Variants in CSMD1 observed in about 807,000 individuals in gnomAD.
CSMD1 encodes CUB and Sushi multiple domains 1, also known as CUB and sushi domain-containing protein 1.
CSMD1 carries 213 observed loss-of-function variants against 417.5 expected under a neutral mutation model. That is an observed-to-expected ratio of 0.51 (90% CI 0.46 to 0.57). CSMD1 has a LOEUF of 0.57. Among genes scored for constraint, CSMD1 ranks in the 20% least tolerant of loss-of-function variants. The pLI is 0.00. For synonymous variants in CSMD1, 2,862 were observed against 1,736.8 expected, an observed-to-expected ratio of 1.65 and a Z score of -16.11; for missense variants, 6,923 against 4,529.7, an observed-to-expected ratio of 1.53 and a Z score of -15.17.
At chr8:3,410,708 CA>C (rs1194331143) in intron 12 of CSMD1, among the ~76,000 whole-genome samples, 1 of 152,028 alleles carries the variant, frequency 6.6e-6, no homozygotes, top group African/African-American at 2.4e-5. Flanking sequence ...CAGACTAATA[CA>C]GGGGTTATGT....
intron 3 of CSMD1, among the ~76,000 whole-genome samples, chr8:4,388,850 C>T (rs1283459275): frequency 6.6e-6 from 1 of 152,166 alleles, no homozygotes; most frequent in African/African-American, 2.4e-5. Flanking sequence ...ATTTAAAAAC[C>T]ATTTAAAACT....
At chr8:4,100,103 C>T (rs766505637) in intron 3 of CSMD1, among the ~76,000 whole-genome samples, 32 of 152,272 alleles carry the variant, frequency 2.1e-4, no homozygotes, top group South Asian at 1.9e-3. Flanking sequence ...TACTCACTGG[C>T]TTTCTGACTC....
chr8:3,775,260 T>G lies in CSMD1; in HGVS notation c.819-21218A>C, dbSNP rs150019743. 2.6e-5 allele frequency among the ~76,000 whole-genome samples: 4 copies of G among 152,254 alleles called. No homozygotes were observed. In the East Asian group the frequency reaches 7.7e-4, roughly 29 times the overall value. ...TAGAAATGAATTGTATGTTAAACAT[T>G]GGAAGATTTAAAGACAGTGAAAAAT... On this transcript the variant is annotated intron_variant, in intron 5 of 69. Coordinates refer to ENST00000635120, the MANE Select transcript of CSMD1 (RefSeq NM_033225.6).
At chr8:4,724,861 T>C (rs576650001) in intron 1 of CSMD1, among the ~76,000 whole-genome samples, 3 of 152,204 alleles carry the variant, frequency 2.0e-5, no homozygotes, top group East Asian at 1.9e-4. Context: ...CTGACGGAAG[T>C]ATACTTCACT....
chr8:4,067,476 T>C (rs1052868293), intron 3 of CSMD1, among the ~76,000 whole-genome samples: 1 of 114,980 alleles, frequency 8.7e-6, no homozygotes, highest in Non-Finnish European at 2.0e-5. Context: ...TCACATGAAA[T>C]AAATTACTTT....
intron 2 of CSMD1, among the ~76,000 whole-genome samples, chr8:4,594,195 CTTTTTTTTTTTT>C (rs771415822): frequency 3.2e-5 from 3 of 92,374 alleles, no homozygotes; most frequent in Non-Finnish European, 6.2e-5. Context: ...CTAAAGTGAT[CTTTTTTTTTTTT>C]TTTTTTTTTT....
At chr8:3,660,347 G>T (rs7843378) in intron 7 of CSMD1, among the ~76,000 whole-genome samples, 24 of 151,992 alleles carry the variant, frequency 1.6e-4, no homozygotes, top group African/African-American at 5.3e-4. Context: ...AGGACTGAAA[G>T]TATTAGCGAT....
At chr8:3,210,799 G>C (rs1372820949) in intron 30 of CSMD1, among the ~76,000 whole-genome samples, 1 of 151,454 alleles carries the variant, frequency 6.6e-6, no homozygotes, top group East Asian at 1.9e-4. Context: ...TATGGCTAAA[G>C]TTTTATCACT....
chr8:3,110,864 G>C (rs186391285), intron 42 of CSMD1, among the ~76,000 whole-genome samples: 2 of 152,106 alleles, frequency 1.3e-5, no homozygotes, highest in East Asian at 3.9e-4. Flanking sequence ...GGTGTTTTGC[G>C]GAAGCATTTC....
intron 3 of CSMD1, among the ~76,000 whole-genome samples, chr8:4,252,059 A>C (rs962506277): frequency 1.3e-5 from 2 of 152,306 alleles, no homozygotes; most frequent in South Asian, 2.1e-4. Context: ...ACAGAAGATC[A>C]TTCCCAGAAA....
At chr8:4,094,368 A>G (rs933189463) in intron 3 of CSMD1, among the ~76,000 whole-genome samples, 2 of 152,060 alleles carry the variant, frequency 1.3e-5, no homozygotes, top group Non-Finnish European at 1.5e-5. Flanking sequence ...GTAACAGAGG[A>G]AAGAGTGGGT....
At chr8:4,355,057 T>C (rs570681595) in intron 3 of CSMD1, among the ~76,000 whole-genome samples, 2 of 151,880 alleles carry the variant, frequency 1.3e-5, no homozygotes, top group East Asian at 3.9e-4. Flanking sequence ...GGTCAGGAGA[T>C]CGAGACCATC....
chr8:3,993,120 G>C (rs550471913), intron 5 of CSMD1, among the ~76,000 whole-genome samples: 5 of 152,232 alleles, frequency 3.3e-5, no homozygotes, highest in Non-Finnish European at 7.3e-5. Context: ...GATGCTACAT[G>C]AATTTCTTGG....
chr8:4,041,475 A>C (rs945255819), intron 3 of CSMD1, among the ~76,000 whole-genome samples: 3 of 152,216 alleles, frequency 2.0e-5, no homozygotes, highest in Non-Finnish European at 4.4e-5. Flanking sequence ...TAGTGTAAGG[A>C]TCAAACTGTT....
At chr8:4,521,184 T>C (rs1350881626) in intron 2 of CSMD1, among the ~76,000 whole-genome samples, 1 of 152,086 alleles carries the variant, frequency 6.6e-6, no homozygotes, top group Admixed American at 6.6e-5. Flanking sequence ...AATATATACA[T>C]TAAAAATTGT....
chr8:3,094,109 A>T (rs1331018200), intron 47 of CSMD1, among the ~76,000 whole-genome samples: 37 of 149,148 alleles, frequency 2.5e-4, no homozygotes, highest in African/African-American at 8.0e-4. Context: ...TTTATTTTTT[A>T]TTTTTTTATT....
intron 3 of CSMD1, among the ~76,000 whole-genome samples, chr8:4,225,596 G>A (rs771899632): frequency 1.3e-5 from 2 of 151,194 alleles, no homozygotes; most frequent in Admixed American, 1.3e-4. Context: ...TTTTATTTGG[G>A]AGGAAATATG....
At position 4,316,886 on chromosome 8, in the gene CSMD1, G is replaced by C. The variant is rs4875328; in HGVS notation, c.415+103067C>G. Among the ~76,000 whole-genome samples the C allele has an allele frequency of 6.1e-3, 922 of 152,200 alleles. 33 individuals carry two copies. The East Asian group carries it at 0.094, about 15-fold the overall frequency. On this transcript the variant is annotated intron_variant, in intron 3 of 69. Coordinates refer to ENST00000635120, the MANE Select transcript of CSMD1 (RefSeq NM_033225.6). ...GTTTTGTGGTTATACTCCAAATCTT[G>C]GGGTGGGGGAATCTTCAAAGGAATA...
intron 5 of CSMD1, among the ~76,000 whole-genome samples, chr8:3,990,378 C>A (rs551017649): frequency 2.0e-5 from 3 of 152,198 alleles, no homozygotes; most frequent in Admixed American, 6.5e-5. Flanking sequence ...TTCAACTCTG[C>A]CCTAAGAATG....
Sources: gnomAD v4.1 joint callset for allele counts (sites outside exome capture counted in the v4.1 genomes callset) on GRCh38, gnomAD v4.1.1 for gene constraint, MANE v1.5 for transcripts, NCBI Gene and HGNC (gene_info 2026-07-23, HGNC 2026-07-21) for gene names.